DOCK1: variants seen among roughly 807,000 people sequenced by gnomAD.
DOCK1 encodes the protein dedicator of cytokinesis protein 1.
Under a neutral mutation model 262.7 loss-of-function variants are expected in DOCK1, and 138 were observed. The observed-to-expected ratio is 0.53, with a 90% confidence interval of 0.46 to 0.61. The LOEUF (loss-of-function observed/expected upper bound fraction) is 0.61. DOCK1 is among the 20% of genes least tolerant of loss of function. The pLI, the probability that DOCK1 is intolerant of heterozygous loss-of-function variation, is 0.00. For synonymous variants in DOCK1, 866 were observed against 867.4 expected (o/e 1.00, Z 0.03); for missense variants, 1,908 against 2,370.7 (o/e 0.80, Z 4.05).
intron 8 of DOCK1, 80 bp downstream of exon 8, chr10:126,998,329 A>G (rs2040355097): frequency 6.4e-7 from 1 of 1,573,712 alleles, no homozygotes; most frequent in Admixed American, 1.7e-5. Flanking sequence ...GAAGCGTCCC[A>G]TTCATGCTGA....
intron 10 of DOCK1, chr10:127,007,675 G>A (rs1436817118): frequency 2.0e-5 from 3 of 152,228 alleles, no homozygotes; most frequent in East Asian, 3.9e-4. Context: ...CAAGAAGATG[G>A]CAAAGGATAT....
At chr10:127,142,239 A>G (rs1564836162) in intron 27 of DOCK1, among the ~76,000 whole-genome samples, 1 of 152,150 alleles carries the variant, frequency 6.6e-6, no homozygotes, top group Non-Finnish European at 1.5e-5. Context: ...GGCTCATTCT[A>G]CAGCCACACG....
intron 40 of DOCK1, 41 bp from the exon 41 acceptor site, chr10:127,408,996 C>T: frequency 6.4e-7 from 1 of 1,551,328 alleles, no homozygotes; most frequent in Non-Finnish European, 8.7e-7. Flanking sequence ...CTTCCTGGCC[C>T]TTTCTCTGTG....
chr10:127,359,956 A>G (rs11017547), intron 32 of DOCK1, among the ~76,000 whole-genome samples: 47,678 of 152,092 alleles, frequency 0.31, 8,505 homozygotes, highest in African/African-American at 0.49. Context: ...TTAATTTCTC[A>G]GGCATTCTTC....
chr10:126,944,256 G>A (rs1043632813), intron 1 of DOCK1, among the ~76,000 whole-genome samples: 3 of 151,922 alleles, frequency 2.0e-5, no homozygotes, highest in African/African-American at 4.8e-5. Flanking sequence ...GCTGGTCTCC[G>A]GTGGTCCTGG....
At chr10:127,394,831 C>A (rs1466759682) in intron 38 of DOCK1, among the ~76,000 whole-genome samples, 1 of 152,154 alleles carries the variant, frequency 6.6e-6, no homozygotes, top group Non-Finnish European at 1.5e-5. Context: ...CCAGGCCCAC[C>A]TCGAGGCGAT....
intron 33 of DOCK1, among the ~76,000 whole-genome samples, chr10:127,369,024 T>C (rs541007376): frequency 6.6e-6 from 1 of 152,268 alleles, no homozygotes; most frequent in East Asian, 1.9e-4. Flanking sequence ...CTGCACAACT[T>C]CCAGAAATTC....
At chr10:126,911,726 T>TG (rs1400522597) in intron 1 of DOCK1, among the ~76,000 whole-genome samples, 2 of 152,124 alleles carry the variant, frequency 1.3e-5, no homozygotes, top group Non-Finnish European at 2.9e-5. Context: ...GATGGTACTG[T>TG]GGGCTTTGCT....
At chr10:126,948,991 G>A (rs936525668) in intron 1 of DOCK1, among the ~76,000 whole-genome samples, 1 of 152,064 alleles carries the variant, frequency 6.6e-6, no homozygotes, top group Non-Finnish European at 1.5e-5. Flanking sequence ...CCACCCCCTG[G>A]ACCCTGTTCC....
At chr10:127,301,938 T>G (rs1347091753) in intron 29 of DOCK1, among the ~76,000 whole-genome samples, 1 of 131,414 alleles carries the variant, frequency 7.6e-6, no homozygotes, top group Non-Finnish European at 1.6e-5. Flanking sequence ...AGAACGAGAC[T>G]CCATCTCAAA....
intron 29 of DOCK1, among the ~76,000 whole-genome samples, chr10:127,282,069 G>A (rs1444569695): frequency 6.6e-6 from 1 of 152,186 alleles, no homozygotes. Context: ...TTACGAATTT[G>A]TGTTGGGCTG....
intron 23 of DOCK1, among the ~76,000 whole-genome samples, chr10:127,097,335 T>C (rs2047972157): frequency 6.6e-6 from 1 of 152,148 alleles, no homozygotes; most frequent in Non-Finnish European, 1.5e-5. Context: ...GTGAACCAAA[T>C]CTTAAGAGGG....
chr10:127,373,129 A>T (rs977281995), intron 33 of DOCK1, among the ~76,000 whole-genome samples: 1 of 152,192 alleles, frequency 6.6e-6, no homozygotes, highest in Non-Finnish European at 1.5e-5. Context: ...TGGATCTGAG[A>T]CATAATTAGC....
At position 127,404,391 on chromosome 10, in the gene DOCK1, G is replaced by A. The variant is rs1403163031; in HGVS notation, c.4084G>A (p.Val1362Ile). The part of the protein sequence containing the change: ...VIRPKPDYFA[V>I]GYYGQGFPTF... Reference sequence around the variant, plus strand: ...CAGGCCCAAGCCTGACTATTTTGCTGTTGGCTACTACGGACAAGGGTTCCC... The same window carrying A: ...CAGGCCCAAGCCTGACTATTTTGCTATTGGCTACTACGGACAAGGGTTCCC... The change falls in exon 40 of 52, where the codon GTT becomes ATT. Residue 1362 changes from valine to isoleucine, a missense_variant. This residue lies in a region of DOCK1 where 267 missense variants were observed against 366.3 expected (regional missense o/e 0.73). Transcript: ENST00000623213. The A allele has an allele frequency of 3.7e-6, 6 of 1,613,770 alleles. No homozygotes were observed. Among genetic ancestry groups the A allele is most frequent in the African/African-American group, 1.3e-5 (1 of 74,922 alleles).
rs2069914142 is a variant in DOCK1 at position 127,439,297 on chromosome 10, A to G, written c.5259+72A>G. 7 of 1,463,182 alleles carry G rather than the reference A, an allele frequency of 4.8e-6. No homozygotes were observed. In the African/African-American group the frequency reaches 5.7e-5, roughly 12 times the overall value. The allele number at this position is 1,463,182 out of a possible 1,614,324, so 90.6% of individuals were successfully genotyped here. On this transcript the variant is annotated intron_variant, in intron 49 of 51. Transcript: ENST00000623213. ...CCTACCTTTGCCCCACCTGTAGCCA[A>G]CAGGGCTGACGGTGGGCTCTTATTG...
intron 29 of DOCK1, among the ~76,000 whole-genome samples, chr10:127,302,899 C>T (rs1449359455): frequency 6.6e-6 from 1 of 152,026 alleles, no homozygotes; most frequent in Admixed American, 6.6e-5. Flanking sequence ...GGTGCATGGT[C>T]ACTAGAAAAG....
chr10:127,249,243 CT>C (rs988623636), intron 28 of DOCK1, among the ~76,000 whole-genome samples: 1 of 151,728 alleles, frequency 6.6e-6, no homozygotes, highest in African/African-American at 2.4e-5. Flanking sequence ...ACATAATTTT[CT>C]TATTGTTGCC....
chr10:126,963,644 T>TTCCCTTCCCTTCCCTTCCC (rs1591466101), intron 1 of DOCK1, among the ~76,000 whole-genome samples: 1 of 64,954 alleles, frequency 1.5e-5, no homozygotes, highest in African/African-American at 5.6e-5. Flanking sequence ...CCTTCCCTCC[T>TTCCCTTCCCTTCCCTTCCC]TCCTTCCTTC....
At chr10:127,204,319 C>G (rs1458862017) in intron 27 of DOCK1, among the ~76,000 whole-genome samples, 3 of 152,202 alleles carry the variant, frequency 2.0e-5, no homozygotes, top group Non-Finnish European at 4.4e-5. Context: ...TGGAGTCTCA[C>G]TCTGTCACCC....
Sources: gnomAD v4.1 joint callset for allele counts (sites outside exome capture counted in the v4.1 genomes callset) on GRCh38, gnomAD v4.1.1 for gene constraint, gnomAD v4.1.1 regional missense constraint, MANE v1.5 for transcripts, NCBI Gene and HGNC (gene_info 2026-07-23, HGNC 2026-07-21) for gene names.